The following NALCN variants were observed in gnomAD, a reference collection of about 807,000 sequenced individuals.
The protein encoded by NALCN is sodium leak channel NALCN.
NALCN carries 111 observed loss-of-function variants against 225.3 expected under a neutral mutation model. The observed-to-expected ratio is 0.49, with a 90% CI of 0.42 to 0.58. The LOEUF (loss-of-function observed/expected upper bound fraction) is 0.58, where lower values mean the gene tolerates loss of function less well. NALCN is among the 20% of genes least tolerant of loss of function. The pLI, the probability that NALCN is intolerant of heterozygous loss-of-function variation, is 0.00. For synonymous variants in NALCN, 764 were observed against 769.0 expected (o/e 0.99, Z 0.11); for missense variants, 1,378 against 2,202.4 (o/e 0.63, Z 7.49).
In NALCN at chr13:101,309,523, A is replaced by C. The variant is rs140852570; in HGVS notation, c.800-17157T>G. On this transcript the variant is annotated intron_variant, in intron 7 of 43. Coordinates refer to ENST00000251127, the MANE Select transcript of NALCN (RefSeq NM_052867.4). ...GCATGCTCATTGGCCACTTCAGCAC[A>C]TCAACCACCCCATATTCATTTTGTC... Among the ~76,000 whole-genome samples the C allele has an allele frequency of 1.1e-4, 16 of 152,304 alleles. No individual in the cohort carries two copies. In the East Asian group the frequency reaches 1.7e-3, roughly 17 times the overall value.
At position 101,121,096 on chromosome 13, in the gene NALCN, G is replaced by A. The variant is rs961669782; in HGVS notation, c.2192+3512C>T. On this transcript the variant is annotated intron_variant, in intron 18 of 43. Transcript: ENST00000251127. ...CAGACAATCTTTTTAAGGTAGATAA[G>A]AAAACTGAGGGTCAGATTAGTGAGG... Among the ~76,000 whole-genome samples, 4 of 152,064 alleles carry A rather than the reference G, an allele frequency of 2.6e-5. No homozygotes were observed. The South Asian group carries it at 8.3e-4, about 32-fold the overall frequency.
chr13:101,397,069 TATA>T (rs1566650641), intron 2 of NALCN, among the ~76,000 whole-genome samples: 3,957 of 61,718 alleles, frequency 0.064, 259 homozygotes, highest in African/African-American at 0.18. Context: ...GAATGTATTA[TATA>T]TATATATATA....
chr13:101,101,999 CA>C (rs1343082727), intron 26 of NALCN, among the ~76,000 whole-genome samples: 1 of 152,004 alleles, frequency 6.6e-6, no homozygotes, highest in Non-Finnish European at 1.5e-5. Context: ...ATAAAGAAAA[CA>C]AGAATTTTTA....
intron 15 of NALCN, among the ~76,000 whole-genome samples, chr13:101,164,332 C>T (rs560176209): frequency 6.6e-6 from 1 of 152,226 alleles, no homozygotes; most frequent in East Asian, 1.9e-4. Context: ...TTCTCTGTTG[C>T]CCAGGCTAGA....
At position 101,138,819 on chromosome 13, in the gene NALCN, CTA is replaced by C. The variant is rs148742871; in HGVS notation, c.2118+4259_2118+4260del. Reference sequence around the variant, plus strand: ...TTAATCACCACTCTGCTTAAGGAAACTAGAGTTTAATTTCAATAATATGGAGG... The same window carrying C: ...TTAATCACCACTCTGCTTAAGGAAACGAGTTTAATTTCAATAATATGGAGG... On this transcript the variant is annotated intron_variant, in intron 17 of 43. Transcript: ENST00000251127. Among the ~76,000 whole-genome samples the C allele has an allele frequency of 6.7e-3, 1,013 of 152,288 alleles. 5 individuals are homozygous for C. The highest frequency in any genetic ancestry group is 0.023 in the African/African-American group (968 of 41,556).
chr13:101,373,316 C>G (rs1169612522), intron 6 of NALCN, among the ~76,000 whole-genome samples: 1 of 152,072 alleles, frequency 6.6e-6, no homozygotes, highest in Non-Finnish European at 1.5e-5. Flanking sequence ...ATGAGGACAG[C>G]ATTACCCGGA....
chr13:101,142,538 T>A (rs2037138840), intron 17 of NALCN, among the ~76,000 whole-genome samples: 1 of 152,214 alleles, frequency 6.6e-6, no homozygotes, highest in Non-Finnish European at 1.5e-5. Flanking sequence ...TCCCTACTGA[T>A]ACTTTGCTGT....
chr13:101,202,862 T>C (rs907651609), intron 13 of NALCN, among the ~76,000 whole-genome samples: 4 of 152,146 alleles, frequency 2.6e-5, no homozygotes, highest in Admixed American at 2.6e-4. Context: ...GCGTTTAAGA[T>C]AGAGATTGAA....
At position 101,070,924 on chromosome 13, in the gene NALCN, G is replaced by A. The variant is rs139688161; in HGVS notation, c.4198-2097C>T. Reference sequence around the variant, plus strand: ...GAGGCCTCAGGAGATTTACAATCACGGCGGAAGGGGAAGCAAATATGTTCT... The same window carrying A: ...GAGGCCTCAGGAGATTTACAATCACAGCGGAAGGGGAAGCAAATATGTTCT... On this transcript the variant is annotated intron_variant, in intron 37 of 43. Coordinates refer to ENST00000251127, the MANE Select transcript of NALCN (RefSeq NM_052867.4). Among the ~76,000 whole-genome samples, 353 of 152,254 alleles carry A rather than the reference G, an allele frequency of 2.3e-3. 1 individual carries two copies. The highest frequency in any genetic ancestry group is 7.6e-3 in the African/African-American group (314 of 41,546).
At chr13:101,080,038 C>T (rs1299073254) in intron 34 of NALCN, among the ~76,000 whole-genome samples, 1 of 152,112 alleles carries the variant, frequency 6.6e-6, no homozygotes. Context: ...TATAATAATG[C>T]CTACAGGCTT....
chr13:101,395,366 C>A lies in NALCN; in HGVS notation c.109-1G>T. On this transcript the variant is annotated splice_acceptor_variant, in intron 2 of 43. Transcript: ENST00000251127. LOFTEE classifies it high-confidence loss of function. ...AGATGCGCAGCAAAGAGTGAACCCACTGCAATGATGGTCCAGAGTTACTAC... is the reference window on the plus strand; with the variant it reads ...AGATGCGCAGCAAAGAGTGAACCCAATGCAATGATGGTCCAGAGTTACTAC... The A allele has an allele frequency of 6.2e-7, 1 of 1,612,936 alleles. No homozygotes were observed. Among genetic ancestry groups the A allele is most frequent in the South Asian group, 1.1e-5 (1 of 90,900 alleles).
chr13:101,176,257 G>A, intron 15 of NALCN, 43 bp downstream of exon 15: 1 of 1,430,768 alleles, frequency 7.0e-7, no homozygotes, highest in Non-Finnish European at 9.3e-7. Context: ...TTTGCCCCTG[G>A]TTTTTTGTCC....
Position 101,061,948 on chromosome 13 carries a change from C to T in NALCN, c.4755+20G>A. 3.1e-6 allele frequency: 5 copies of T among 1,606,538 alleles called. No individual in the cohort carries two copies. Among genetic ancestry groups the T allele is most frequent in the Non-Finnish European group, 4.2e-6 (5 of 1,176,620 alleles). ...CGGGGCGGGGCGGGGACCCAACCTG[C>T]ATGTGTGCAGTTCACTCACAGCTCT... On this transcript the variant is annotated intron_variant, in intron 41 of 43. Transcript: ENST00000251127.
rs765880431 is a variant in NALCN at position 101,377,016 on chromosome 13, C to G, written c.416G>C (p.Trp139Ser). 1.9e-6 allele frequency: 3 copies of G among 1,614,110 alleles called. No homozygotes were observed. The South Asian group carries it at 3.3e-5, about 18-fold the overall frequency. Reference sequence around the variant, plus strand: ...TGGCCGTGGAATCCGCAACATGCCCCAAGGTGACATCTGATCAACTATATC... The same window carrying G: ...TGGCCGTGGAATCCGCAACATGCCCGAAGGTGACATCTGATCAACTATATC... ...IADIVDQMSPWGMLRIPRPLI... is the reference protein window; with the variant it reads ...IADIVDQMSPSGMLRIPRPLI... The change falls in exon 5 of 44, where the codon TGG (tryptophan) becomes TCG (serine). Residue 139 changes from tryptophan to serine, a missense_variant. Physicochemically the swap from Trp to Ser is radical, Grantham distance 177. Transcript: ENST00000251127.
chr13:101,281,818 A>T (rs2043177622), intron 10 of NALCN, among the ~76,000 whole-genome samples: 1 of 152,192 alleles, frequency 6.6e-6, no homozygotes, highest in African/African-American at 2.4e-5. Flanking sequence ...CAAACACAAA[A>T]TGCAAATAAT....
chr13:101,275,552 A>G (rs1184927682), intron 10 of NALCN, among the ~76,000 whole-genome samples: 3 of 152,166 alleles, frequency 2.0e-5, no homozygotes, highest in Non-Finnish European at 4.4e-5. Flanking sequence ...TGTAGCTGAA[A>G]TATGTTTCCA....
chr13:101,109,812 G>A (rs1402055547), intron 20 of NALCN, among the ~76,000 whole-genome samples: 1 of 152,144 alleles, frequency 6.6e-6, no homozygotes, highest in Non-Finnish European at 1.5e-5. Flanking sequence ...GGATAATGCA[G>A]ATGGGTCTAC....
At chr13:101,316,739 A>G (rs535875267) in intron 7 of NALCN, among the ~76,000 whole-genome samples, 1 of 152,164 alleles carries the variant, frequency 6.6e-6, no homozygotes, top group Non-Finnish European at 1.5e-5. Context: ...TTCAGTTTAT[A>G]TGTTCCTTGC....
intron 6 of NALCN, among the ~76,000 whole-genome samples, chr13:101,360,767 AC>A (rs1566615740): frequency 6.6e-6 from 1 of 152,182 alleles, no homozygotes; most frequent in East Asian, 1.9e-4. Context: ...ACAAAGACAT[AC>A]CTGCCTCTTT....
Sources: gnomAD v4.1 joint callset for allele counts (sites outside exome capture counted in the v4.1 genomes callset) on GRCh38, gnomAD v4.1.1 for gene constraint, MANE v1.5 for transcripts, NCBI Gene and HGNC (gene_info 2026-07-23, HGNC 2026-07-21) for gene names.